The following PPP1CC variants were observed in gnomAD, a reference collection of about 807,000 sequenced individuals.
PPP1CC encodes serine/threonine-protein phosphatase PP1-gamma catalytic subunit.
Under a neutral mutation model 38.4 loss-of-function variants are expected in PPP1CC, and 16 were observed. The ratio of observed to expected loss-of-function variants is 0.42; its 90% CI spans 0.28 to 0.63. The LOEUF is 0.63. PPP1CC is among the 30% of genes least tolerant of loss of function. The pLI is 0.25. For synonymous variants in PPP1CC, 158 were observed against 136.0 expected (o/e 1.16, Z -1.13); for missense variants, 170 against 391.3 (o/e 0.43, Z 4.77).
In PPP1CC at chr12:110,721,175, C is replaced by T; in HGVS notation, c.883-10G>A. 1 of 1,608,532 alleles carries T rather than the reference C, an allele frequency of 6.2e-7. No homozygotes were observed. The highest frequency in any genetic ancestry group is 1.3e-5 in the African/African-American group (1 of 74,762). On this transcript the variant is annotated splice_polypyrimidine_tract_variant and intron_variant, in intron 6 of 6. Coordinates refer to ENST00000335007, the MANE Select transcript of PPP1CC (RefSeq NM_002710.4). ...CTGCAGGCTTTAAAATCTGGAGATT[C>T]AAAAGACAGTTAATTTAGGAAATAT...
intron 2 of PPP1CC, 105 bp downstream of exon 2, chr12:110,731,665 G>A (rs889893711): frequency 3.1e-6 from 4 of 1,287,434 alleles, no homozygotes; most frequent in Non-Finnish European, 4.2e-6. Flanking sequence ...CAAGCTATTC[G>A]CAAACAGGAT....
chr12:110,737,198 C>A (rs1431068676), intron 1 of PPP1CC, among the ~76,000 whole-genome samples: 1 of 152,152 alleles, frequency 6.6e-6, no homozygotes, highest in South Asian at 2.1e-4. Flanking sequence ...ATCCTTTGGG[C>A]CGGATGCGGT....
chr12:110,717,337 T>C (rs995353117), downstream of PPP1CC, among the ~76,000 whole-genome samples: 1 of 152,150 alleles, frequency 6.6e-6, no homozygotes, highest in African/African-American at 2.4e-5. Context: ...AGCCAGCTGG[T>C]ACATGAGGTT....
downstream of PPP1CC, among the ~76,000 whole-genome samples, chr12:110,717,651 C>A (rs1019409188): frequency 1.3e-5 from 2 of 152,152 alleles, no homozygotes. Context: ...CTGCCTCAGC[C>A]TCCCAAAGTG....
At chr12:110,718,515 C>T (rs1246145942), downstream of PPP1CC, among the ~76,000 whole-genome samples, 1 of 152,182 alleles carries the variant, frequency 6.6e-6, no homozygotes, top group African/African-American at 2.4e-5. Flanking sequence ...ACTTAGCTAT[C>T]CATGGCTTGG....
intron 1 of PPP1CC, 30 bp downstream of exon 1, chr12:110,742,623 C>A: frequency 7.1e-7 from 1 of 1,410,754 alleles, no homozygotes; most frequent in East Asian, 2.9e-5. Context: ...AGGCCCGCCT[C>A]CCCCTTCAGC....
rs181994600 is a variant in PPP1CC, at chr12:110,720,956, G to A, written c.*120C>T. 8.7e-5 allele frequency: 65 copies of A among 743,872 alleles called. No individual in the cohort carries two copies. The highest frequency in any genetic ancestry group is 7.6e-4 in the Admixed American group (27 of 35,446). The allele number at this position is 743,872 out of a possible 1,614,324, so 46.1% of individuals were successfully genotyped here. A position where few individuals can be genotyped will look rare whatever the true frequency, so the allele number is the denominator to read the frequency against. On this transcript the variant is annotated 3_prime_UTR_variant, in exon 7 of 7. Coordinates refer to ENST00000335007, the MANE Select transcript of PPP1CC (RefSeq NM_002710.4). ...CCATTCACTAAATCAAAAATGGAAG[G>A]AAGGGCCCCCACAAACACAGATCTA...
At chr12:110,728,000 T>C (rs536204999) in intron 3 of PPP1CC, among the ~76,000 whole-genome samples, 25 of 152,316 alleles carry the variant, frequency 1.6e-4, no homozygotes, top group Non-Finnish European at 3.2e-4. Flanking sequence ...CCAGTATCAT[T>C]ACATTAGGAT....
At position 110,720,030 on chromosome 12, in the gene PPP1CC, G is replaced by C; in HGVS notation, c.*1046C>G. The C allele has an allele frequency of 2.0e-6, 2 of 1,004,188 alleles. No homozygotes were observed. The highest frequency in any genetic ancestry group is 1.6e-5 in the African/African-American group (1 of 61,236). 62.2% of individuals were successfully genotyped at this position (1,004,188 alleles called of 1,614,324 possible). On this transcript the variant is annotated 3_prime_UTR_variant, in exon 7 of 7. Coordinates refer to ENST00000335007, the MANE Select transcript of PPP1CC (RefSeq NM_002710.4). ...TTTAAAAAAGTCATAGGTACTGTGA[G>C]TTCTGTATAAACTGGTGGACAGTAA...
intron 2 of PPP1CC, 106 bp downstream of exon 2, chr12:110,731,664 C>A (rs1308401975): frequency 6.2e-6 from 8 of 1,294,212 alleles, no homozygotes; most frequent in Non-Finnish European, 8.4e-6. Context: ...CCAAGCTATT[C>A]GCAAACAGGA....
At chr12:110,721,924 A>AT in intron 6 of PPP1CC, 1 of 543,232 alleles carries the variant, frequency 1.8e-6, no homozygotes, top group Non-Finnish European at 3.1e-6. Context: ...GCAAAAATTT[A>AT]TAATTCAACA....
At chr12:110,721,980 A>T in intron 6 of PPP1CC, 155 bp downstream of exon 6, 1 of 811,938 alleles carries the variant, frequency 1.2e-6, no homozygotes, top group Non-Finnish European at 1.8e-6. Flanking sequence ...CAAGGGATCC[A>T]CACATTATTC....
At chr12:110,739,049 G>A (rs980899527) in intron 1 of PPP1CC, among the ~76,000 whole-genome samples, 25 of 152,188 alleles carry the variant, frequency 1.6e-4, no homozygotes, top group African/African-American at 5.3e-4. Context: ...GCTGGGCACG[G>A]TGGCTCATGC....
downstream of PPP1CC, among the ~76,000 whole-genome samples, chr12:110,716,821 G>A (rs17682444): frequency 0.093 from 14,082 of 152,236 alleles, 732 homozygotes; most frequent in African/African-American, 0.13. Flanking sequence ...CAACAAGTCC[G>A]TTGGAGCTAC....
chr12:110,723,696 T>C (rs1593573757), intron 4 of PPP1CC, among the ~76,000 whole-genome samples: 1 of 152,124 alleles, frequency 6.6e-6, no homozygotes, highest in Non-Finnish European at 1.5e-5. Context: ...CTTTTTCTAA[T>C]GACAGGGGTC....
intron 3 of PPP1CC, chr12:110,725,528 CTGA>C (rs906019980): frequency 5.9e-5 from 9 of 152,310 alleles, no homozygotes; most frequent in African/African-American, 2.2e-4. Flanking sequence ...TCCCACAGGC[CTGA>C]TGTCACAGGA....
the PPP1CC span, among the ~76,000 whole-genome samples, chr12:110,710,195 T>C: frequency 1.3e-5 from 2 of 151,896 alleles, no homozygotes; most frequent in African/African-American, 4.8e-5. Flanking sequence ...ATACACCTCA[T>C]TATATTTCCC....
At position 110,742,687 on chromosome 12, in the gene PPP1CC, G is replaced by C. The variant is rs1228786037; in HGVS notation, c.21C>G (p.Leu7=). The C allele has an allele frequency of 3.3e-5, 49 of 1,466,844 alleles. No individual in the cohort carries two copies. Among genetic ancestry groups the C allele is most frequent in the Non-Finnish European group, 4.5e-5 (49 of 1,100,924 alleles). The allele number at this position is 1,466,844 out of a possible 1,614,324, so 90.9% of individuals were successfully genotyped here. A position where few individuals can be genotyped will look rare whatever the true frequency, so the allele number is the denominator to read the frequency against. MADLDK[L]NIDSIIQRLL... The stretch of plus-strand genomic sequence containing the variant: ...GCCGTTGGATAATGCTGTCGATGTT[G>C]AGTTTATCTAAATCCGCCATCGCCT... The change falls in exon 1 of 7, where the codon CTC becomes CTG. Residue 7 remains leucine (L), a synonymous_variant. Transcript: ENST00000335007.
intron 1 of PPP1CC, among the ~76,000 whole-genome samples, chr12:110,741,192 G>T (rs561233349): frequency 2.8e-5 from 4 of 144,624 alleles, no homozygotes; most frequent in East Asian, 1.9e-4. Context: ...TGTTTTTTTT[G>T]TTGTTTTTTT....
Sources: allele counts gnomAD v4.1 joint callset (sites outside exome capture counted in the v4.1 genomes callset), GRCh38; gene constraint gnomAD v4.1.1; transcripts MANE v1.5; gene names NCBI Gene and HGNC (gene_info 2026-07-23, HGNC 2026-07-21).